Variants in ANKRD11 observed in about 807,000 individuals in gnomAD.
ANKRD11 encodes ankyrin repeat domain-containing protein 11.
In ANKRD11, 17 loss-of-function variants were observed where a neutral mutation model predicts 195.7. The ratio of observed to expected loss-of-function variants is 0.09; its 90% confidence interval spans 0.06 to 0.13. The LOEUF (loss-of-function observed/expected upper bound fraction) is 0.13, where lower values mean the gene tolerates loss of function less well. ANKRD11 is among the 10% of genes least tolerant of loss of function. The pLI, the probability that ANKRD11 is intolerant of heterozygous loss-of-function variation, is 1.00. For missense variants in ANKRD11, 3,735 were observed against 3,566.1 expected, an observed-to-expected ratio of 1.05 and a Z score of -1.21; for synonymous variants, 1,953 against 1,528.1, an observed-to-expected ratio of 1.28 and a Z score of -6.49.
rs1715589342 is a variant in ANKRD11, at chr16:89,283,940, T to A, written c.2602A>T (p.Met868Leu). Residue 868 changes from methionine to leucine, a missense_variant, in exon 9 of 13, where the codon ATG (methionine) becomes TTG (leucine). Transcript: ENST00000301030. The surrounding 1 kb of genome is among the most constrained non-coding windows in gnomAD (Gnocchi z 4.3). ...AGCTTGGCCACAGAGTCGCTCTTCATGTCCCTGTAGTCTGTCACTGGCGAG... is the reference window on the plus strand; with the variant it reads ...AGCTTGGCCACAGAGTCGCTCTTCAAGTCCCTGTAGTCTGTCACTGGCGAG... Reference protein sequence around the residue: ...WDSPVTDYRDMKSDSVAKLIL... With the variant: ...WDSPVTDYRDLKSDSVAKLIL... 6.2e-7 allele frequency: 1 copy of A among 1,614,162 alleles called. No individual in the cohort carries two copies. Among genetic ancestry groups the A allele is most frequent in the Non-Finnish European group, 8.5e-7 (1 of 1,180,030 alleles).
chr16:89,297,206 G>C (rs1014258121), intron 4 of ANKRD11, among the ~76,000 whole-genome samples: 1 of 152,216 alleles, frequency 6.6e-6, no homozygotes, highest in African/African-American at 2.4e-5. Flanking sequence ...TCTAGCAAGA[G>C]TCTTTTAGGA....
At chr16:89,464,903 AC>A (rs1418520368) in intron 1 of ANKRD11, among the ~76,000 whole-genome samples, 4 of 152,222 alleles carry the variant, frequency 2.6e-5, no homozygotes, top group African/African-American at 9.6e-5. Context: ...AAGTTCATCT[AC>A]TATGATTACT....
chr16:89,452,010 G>A (rs1488132267), intron 1 of ANKRD11, among the ~76,000 whole-genome samples: 1 of 152,010 alleles, frequency 6.6e-6, no homozygotes, highest in Non-Finnish European at 1.5e-5. Context: ...TATAATCCCA[G>A]AACTTTGGGA....
chr16:89,456,217 G>A (rs2056427012), intron 1 of ANKRD11, among the ~76,000 whole-genome samples: 1 of 147,454 alleles, frequency 6.8e-6, no homozygotes, highest in African/African-American at 2.5e-5. Context: ...TCCAGCCTGG[G>A]CAACAGAACA....
chr16:89,356,125 C>T (rs2039462107), intron 2 of ANKRD11, among the ~76,000 whole-genome samples: 1 of 152,240 alleles, frequency 6.6e-6, no homozygotes, highest in South Asian at 2.1e-4. Context: ...TTACTATGAA[C>T]TAGTGCTTTT....
In ANKRD11 at chr16:89,281,022, C is replaced by T. The variant is rs774342319; in HGVS notation, c.5520G>A (p.Ala1840=). 18 of 1,592,040 alleles carry T rather than the reference C, an allele frequency of 1.1e-5. No homozygotes were observed. The highest frequency in any genetic ancestry group is 1.7e-4 in the Middle Eastern group (1 of 5,938). The change falls in exon 9 of 13, where the codon GCG becomes GCA. Residue 1840 remains alanine (A), a synonymous_variant. Transcript: ENST00000301030. The surrounding 1 kb of genome is among the most constrained non-coding windows in gnomAD (Gnocchi z 5.5). ...EDRAPLPPVP[A]EKFACLSPGY... is the part of the protein sequence containing the mutation. ...CTGGCGACAAGCAGGCAAACTTCTCCGCGGGAACCGGGGGCAGGGGCGCCC... is the reference window on the plus strand; with the variant it reads ...CTGGCGACAAGCAGGCAAACTTCTCTGCGGGAACCGGGGGCAGGGGCGCCC...
chr16:89,332,185 C>G (rs954025664), intron 2 of ANKRD11, among the ~76,000 whole-genome samples: 1 of 152,028 alleles, frequency 6.6e-6, no homozygotes. Flanking sequence ...GAATGTGTCA[C>G]AGAAATGACT....
intron 2 of ANKRD11, among the ~76,000 whole-genome samples, chr16:89,325,821 C>T (rs138693219): frequency 7.2e-5 from 11 of 152,340 alleles, no homozygotes; most frequent in African/African-American, 2.6e-4. Context: ...CCTTTTGCTG[C>T]AGGACCTGTT....
Position 89,291,811 on chromosome 16 carries a change from C to T in ANKRD11, c.227-628G>A, listed in dbSNP as rs1423340874. 4 of 1,273,568 alleles carry T rather than the reference C, an allele frequency of 3.1e-6. No homozygotes were observed. Among genetic ancestry groups the T allele is most frequent in the East Asian group, 5.6e-5 (1 of 17,980 alleles). 78.9% of individuals were successfully genotyped at this position (1,273,568 alleles called of 1,614,324 possible). On this transcript the variant is annotated intron_variant, in intron 4 of 12. Coordinates refer to ENST00000301030, the MANE Select transcript of ANKRD11 (RefSeq NM_013275.6). This position sits in a 1 kb window ranked among gnomAD's most constrained non-coding sequence, Gnocchi z 5.3. Reference sequence around the variant, plus strand: ...ATCAACACAGAGCACTAACAAGACACGGTGTGAGAGCTCGGCTGTTTCCAC... The same window carrying T: ...ATCAACACAGAGCACTAACAAGACATGGTGTGAGAGCTCGGCTGTTTCCAC...
chr16:89,324,398 C>T (rs900812790), intron 2 of ANKRD11: 28 of 558,864 alleles, frequency 5.0e-5, no homozygotes, highest in African/African-American at 1.2e-4. Flanking sequence ...TTCTCAGCTT[C>T]GTTAGTCATC....
At chr16:89,273,942 G>A (rs998520737) in intron 11 of ANKRD11, among the ~76,000 whole-genome samples, 1 of 152,174 alleles carries the variant, frequency 6.6e-6, no homozygotes, top group Admixed American at 6.5e-5. Flanking sequence ...AGGCAGGAAT[G>A]TGTTCCAGGC....
chr16:89,326,011 G>T (rs1406365195), intron 2 of ANKRD11, among the ~76,000 whole-genome samples: 2 of 152,232 alleles, frequency 1.3e-5, no homozygotes, highest in Non-Finnish European at 1.5e-5. Context: ...GCAACAGGGA[G>T]CTTGGAGCCT....
At chr16:89,337,130 G>T (rs2038402768) in intron 2 of ANKRD11, among the ~76,000 whole-genome samples, 1 of 151,752 alleles carries the variant, frequency 6.6e-6, no homozygotes, top group Non-Finnish European at 1.5e-5. Context: ...AGGCTGCAGT[G>T]AGTTGAGATC....
intron 11 of ANKRD11, chr16:89,273,193 G>A (rs1181460785): frequency 6.6e-6 from 1 of 152,134 alleles, no homozygotes; most frequent in Non-Finnish European, 1.5e-5. Context: ...AGGGCTAAAT[G>A]CTTGAGGGGA....
chr16:89,442,571 G>C (rs2043563557), intron 1 of ANKRD11, among the ~76,000 whole-genome samples: 1 of 152,118 alleles, frequency 6.6e-6, no homozygotes, highest in African/African-American at 2.4e-5. Context: ...GTTTCCACCA[G>C]CTGGACAGTA....
At chr16:89,375,805 C>T (rs932313188) in intron 2 of ANKRD11, among the ~76,000 whole-genome samples, 2 of 145,274 alleles carry the variant, frequency 1.4e-5, no homozygotes, top group Non-Finnish European at 3.0e-5. Context: ...TTGCAGTTCT[C>T]AAGTCTTTTT....
rs779328307 is a variant in ANKRD11 at position 89,283,538 on chromosome 16, G to A, written c.3004C>T (p.Arg1002Trp). 2.0e-5 allele frequency: 33 copies of A among 1,612,798 alleles called. No homozygotes were observed. The highest frequency in any genetic ancestry group is 1.5e-4 in the South Asian group (14 of 91,074). ...DFGKGLEPWE[R>W]HHPAREKEKK... ...TCCTTCTCTCGTGCTGGGTGGTGCC[G>A]TTCCCACGGCTCCAGGCCCTTCCCA... is the stretch of plus-strand genomic sequence containing the variant. Residue 1002 changes from arginine to tryptophan, a missense_variant, in exon 9 of 13, where the codon CGG becomes TGG. By Grantham distance (101) the Arg-to-Trp change is moderately radical (BLOSUM62 -3). Coordinates refer to ENST00000301030, the MANE Select transcript of ANKRD11 (RefSeq NM_013275.6). This position sits in a 1 kb window ranked among gnomAD's most constrained non-coding sequence, Gnocchi z 4.3.
At chr16:89,423,783 C>T (rs1277384143) in intron 1 of ANKRD11, among the ~76,000 whole-genome samples, 2 of 152,220 alleles carry the variant, frequency 1.3e-5, no homozygotes, top group Non-Finnish European at 2.9e-5. Flanking sequence ...GTTTTCCAGG[C>T]ATGATAAATC....
chr16:89,363,993 G>C (rs948034430), intron 2 of ANKRD11, among the ~76,000 whole-genome samples: 1 of 152,098 alleles, frequency 6.6e-6, no homozygotes, highest in African/African-American at 2.4e-5. Flanking sequence ...CCGGGAGTTG[G>C]AGGGTGTGGT....
Sources: allele counts gnomAD v4.1 joint callset (sites outside exome capture counted in the v4.1 genomes callset), GRCh38; gene constraint gnomAD v4.1.1; non-coding constraint Gnocchi (gnomAD v3.1); transcripts MANE v1.5; gene names NCBI Gene and HGNC (gene_info 2026-07-23, HGNC 2026-07-21).